The following MTCL1 variants were observed in gnomAD, a reference collection of about 807,000 sequenced individuals.
MTCL1 encodes microtubule cross-linking factor 1.
MTCL1 carries 79 observed loss-of-function variants against 141.4 expected under a neutral mutation model. The observed-to-expected ratio is 0.56, with a 90% CI of 0.47 to 0.67. The LOEUF (loss-of-function observed/expected upper bound fraction) is 0.67. MTCL1 is among the 30% of genes least tolerant of loss of function. The pLI is 0.00. For missense variants in MTCL1, 2,177 were observed against 2,113.9 expected, an observed-to-expected ratio of 1.03 and a Z score of -0.59; for synonymous variants, 914 against 875.8, an observed-to-expected ratio of 1.04 and a Z score of -0.77.
chr18:8,785,442 G>A (rs1478150649), intron 6 of MTCL1, among the ~76,000 whole-genome samples: 2 of 152,194 alleles, frequency 1.3e-5, no homozygotes, highest in Non-Finnish European at 2.9e-5. Context: ...CTGCCGCCCT[G>A]CCGCCGCTGG....
At chr18:8,826,142 G>A in exon 15 of MTCL1, 1 of 1,613,426 alleles carries the variant, frequency 6.2e-7, no homozygotes, top group Non-Finnish European at 8.5e-7. Context: ...ATGCCTTAAA[G>A]GAGGAGAGGA....
intron 4 of MTCL1, among the ~76,000 whole-genome samples, chr18:8,761,501 C>T (rs1185716879): frequency 6.6e-6 from 1 of 152,192 alleles, no homozygotes; most frequent in East Asian, 1.9e-4. Flanking sequence ...CCCTCACTCC[C>T]CTCCTGCCCT....
chr18:8,755,634 T>C (rs1444657426), intron 4 of MTCL1, among the ~76,000 whole-genome samples: 1 of 152,192 alleles, frequency 6.6e-6, no homozygotes, highest in Non-Finnish European at 1.5e-5. Context: ...CTGACCTATT[T>C]TGTGGCAGAT....
intron 11 of MTCL1, among the ~76,000 whole-genome samples, chr18:8,812,334 T>G (rs1389975201): frequency 6.6e-6 from 1 of 152,232 alleles, no homozygotes; most frequent in East Asian, 1.9e-4. Context: ...TTTTCCTTCT[T>G]TTTTGAAAGA....
chr18:8,755,862 A>C (rs1197855880), intron 4 of MTCL1, among the ~76,000 whole-genome samples: 2 of 152,226 alleles, frequency 1.3e-5, no homozygotes, highest in Admixed American at 1.3e-4. Context: ...ATTATTAGCC[A>C]GGCATGGTGG....
At chr18:8,711,120 A>G (rs1361520098) in intron 1 of MTCL1, among the ~76,000 whole-genome samples, 1 of 151,126 alleles carries the variant, frequency 6.6e-6, no homozygotes, top group African/African-American at 2.4e-5. Flanking sequence ...ATTCCCACCT[A>G]TGAGTGAGAA....
chr18:8,829,498 T>G, intron 16 of MTCL1: 1 of 947,948 alleles, frequency 1.1e-6, no homozygotes, highest in Non-Finnish European at 1.3e-6. Context: ...ACAGAGTAAA[T>G]GCTCAATAAA....
chr18:8,717,473 T>G (rs912689114), intron 1 of MTCL1: 1 of 151,966 alleles, frequency 6.6e-6, no homozygotes, highest in Non-Finnish European at 1.5e-5. Flanking sequence ...AGGGAGGGAG[T>G]GTGGCCAGGA....
intron 5 of MTCL1, among the ~76,000 whole-genome samples, chr18:8,781,225 C>T (rs1263183612): frequency 4.2e-5 from 6 of 143,170 alleles, no homozygotes; most frequent in African/African-American, 1.0e-4. Context: ...AACAGATAAA[C>T]GAGCATGCTT....
chr18:8,763,307 G>A (rs908975037), intron 4 of MTCL1, among the ~76,000 whole-genome samples: 6 of 152,238 alleles, frequency 3.9e-5, no homozygotes, highest in African/African-American at 9.6e-5. Flanking sequence ...CAGGAATGAG[G>A]CCTGCTGGCT....
chr18:8,830,613 CACTT>C lies in MTCL1; in HGVS notation c.*19-993_*19-990del, dbSNP rs2144566426. Reference sequence around the variant, plus strand: ...TCACATCTTTTTAAATCCTCCAACTCACTTCCTTTCTTTGAGGGTCCTTGTTCTC... The same window carrying C: ...TCACATCTTTTTAAATCCTCCAACTCCCTTTCTTTGAGGGTCCTTGTTCTC... On this transcript the variant is annotated intron_variant, in intron 16 of 16. Transcript: ENST00000359865. This position sits in a 1 kb window ranked among gnomAD's most constrained non-coding sequence, Gnocchi z 6.4. The C allele has an allele frequency of 5.1e-6, 5 of 985,842 alleles. No homozygotes were observed. The South Asian group carries it at 1.9e-4, about 37-fold the overall frequency. The allele number at this position is 985,842 out of a possible 1,614,324, so 61.1% of individuals were successfully genotyped here.
chr18:8,795,222 G>T (rs1296189859), intron 8 of MTCL1, among the ~76,000 whole-genome samples: 1 of 152,234 alleles, frequency 6.6e-6, no homozygotes, highest in Non-Finnish European at 1.5e-5. Flanking sequence ...GCCTCGGGCA[G>T]CTGTGGTTCT....
intron 16 of MTCL1, chr18:8,829,781 G>A (rs2077138048): frequency 1.0e-6 from 1 of 985,280 alleles, no homozygotes; most frequent in African/African-American, 1.7e-5. Context: ...AGCATCCCAG[G>A]ACACCATGCC....
rs2096306414 is a variant in MTCL1 at position 8,742,039 on chromosome 18, C to CCA, written c.357+21543_357+21544insCA. ...TGTCCTCAGGAGCTCTAATGCAGGGCAAAAAAAAAAAGCACTGTGCTATGG... is the reference window on the plus strand; with the variant it reads ...TGTCCTCAGGAGCTCTAATGCAGGGCCAAAAAAAAAAAAGCACTGTGCTATGG... On this transcript the variant is annotated intron_variant, in intron 4 of 16. Transcript: ENST00000359865. Among the ~76,000 whole-genome samples the CCA allele has an allele frequency of 3.6e-5, 5 of 139,408 alleles. 1 individual carries two copies. The highest frequency in any genetic ancestry group is 3.5e-4 in the Admixed American group (5 of 14,280). 91.5% of individuals were successfully genotyped at this position (139,408 alleles called of 152,430 possible).
intron 7 of MTCL1, chr18:8,786,356 G>A (rs2287500): frequency 0.15 from 100,862 of 670,474 alleles, 8,824 homozygotes; most frequent in African/African-American, 0.27. Context: ...TCCGCAGACC[G>A]GGAGCACCTG....
At chr18:8,786,574 C>G in intron 7 of MTCL1, 1 of 357,696 alleles carries the variant, frequency 2.8e-6, no homozygotes, top group South Asian at 2.1e-5. Context: ...AGGCTCGCTC[C>G]TGACCTGTGG....
At chr18:8,719,408 T>G (rs1393630370) in intron 3 of MTCL1, among the ~76,000 whole-genome samples, 1 of 152,096 alleles carries the variant, frequency 6.6e-6, no homozygotes, top group Non-Finnish European at 1.5e-5. Flanking sequence ...TGATAAAGGG[T>G]GATTTATATT....
At chr18:8,744,267 T>C (rs2096322769) in intron 4 of MTCL1, among the ~76,000 whole-genome samples, 1 of 152,246 alleles carries the variant, frequency 6.6e-6, no homozygotes. Flanking sequence ...CTGGCATTCT[T>C]CTCCTGTTCT....
At chr18:8,729,381 G>A (rs1343126950) in intron 4 of MTCL1, among the ~76,000 whole-genome samples, 2 of 151,744 alleles carry the variant, frequency 1.3e-5, no homozygotes, top group Admixed American at 1.3e-4. Context: ...TGAGTTTTGA[G>A]AGTTCTTTGT....
Sources: allele counts gnomAD v4.1 joint callset (sites outside exome capture counted in the v4.1 genomes callset), GRCh38; gene constraint gnomAD v4.1.1; non-coding constraint Gnocchi (gnomAD v3.1); transcripts MANE v1.5; gene names NCBI Gene and HGNC (gene_info 2026-07-23, HGNC 2026-07-21).